Variants in CYTH4 observed in about 807,000 individuals in gnomAD.
CYTH4 encodes the protein cytohesin 4.
In CYTH4, 22 loss-of-function variants were observed where a neutral mutation model predicts 57.5. The ratio of observed to expected loss-of-function variants is 0.38; its 90% CI spans 0.27 to 0.55. The LOEUF is 0.55. Among genes scored for constraint, CYTH4 ranks in the 20% least tolerant of loss-of-function variants. The probability of loss-of-function intolerance (pLI) is 0.74; values close to 1 mark genes in which losing one functional copy is unlikely to be tolerated. For missense variants in CYTH4, 420 were observed against 535.6 expected (o/e 0.78, Z 2.13); for synonymous variants, 186 against 206.5 (o/e 0.90, Z 0.85).
chr22:37,291,674 G>A (rs1199863298), intron 1 of CYTH4, among the ~76,000 whole-genome samples: 1 of 152,146 alleles, frequency 6.6e-6, no homozygotes, highest in Non-Finnish European at 1.5e-5. Flanking sequence ...AGGTTGTGGA[G>A]GCCCCAGGCC....
At position 37,312,147 on chromosome 22, in the gene CYTH4, A is replaced by ATCGAGTCCAGTGCCGTGG. The variant is rs1929670444; in HGVS notation, c.1085_1086insTCGAGTCCAGTGCCGTGG (p.Glu362delinsAspArgValGlnCysArgGly). 6.2e-7 allele frequency: 1 copy of ATCGAGTCCAGTGCCGTGG among 1,614,090 alleles called. No homozygotes were observed. Among genetic ancestry groups the ATCGAGTCCAGTGCCGTGG allele is most frequent in the Non-Finnish European group, 8.5e-7 (1 of 1,180,020 alleles). On this transcript the variant is annotated protein_altering_variant, in exon 12 of 13. Coordinates refer to ENST00000248901, the MANE Select transcript of CYTH4 (RefSeq NM_013385.5). ...CGCATCTCAGCCACCAGTGCCGAGG[A>ATCGAGTCCAGTGCCGTGG]ACGTGACCAGTGGATCGAGTCCATC...
Position 37,300,151 on chromosome 22 carries a change from A to G in CYTH4, c.435-756A>G, listed in dbSNP as rs1388875273. Reference sequence around the variant, plus strand: ...AAGTCTTGATGCTGCTTGAAAACTCAGATTCCGAGAAGGAGCATCTGATCT... The same window carrying G: ...AAGTCTTGATGCTGCTTGAAAACTCGGATTCCGAGAAGGAGCATCTGATCT... On this transcript the variant is annotated intron_variant, in intron 6 of 12. Transcript: ENST00000248901. 3 of 717,632 alleles carry G rather than the reference A, an allele frequency of 4.2e-6. No individual in the cohort carries two copies. The Admixed American group carries it at 6.0e-5, about 14-fold the overall frequency. The allele number at this position is 717,632 out of a possible 1,614,324, so 44.5% of individuals were successfully genotyped here.
At chr22:37,310,659 A>T (rs1417759738) in intron 9 of CYTH4, among the ~76,000 whole-genome samples, 1 of 152,230 alleles carries the variant, frequency 6.6e-6, no homozygotes, top group Non-Finnish European at 1.5e-5. Flanking sequence ...GCATTGTGCC[A>T]GGCAGGGACC....
intron 8 of CYTH4, among the ~76,000 whole-genome samples, chr22:37,305,715 A>G (rs560599259): frequency 2.7e-4 from 41 of 152,032 alleles, no homozygotes; most frequent in African/African-American, 9.2e-4. Flanking sequence ...AGCACTTTGC[A>G]GAAGGATTCT....
At position 37,300,934 on chromosome 22, in the gene CYTH4, G is replaced by C. The variant is rs758613502; in HGVS notation, c.462G>C (p.Pro154=). ...LRQFLWSFRL[P]GEAQKIDRMM... is the part of the protein sequence containing the mutation. ...AGTTCCTGTGGAGCTTCCGGCTGCC[G>C]GGCGAGGCCCAGAAGATAGACCGGA... Residue 154 remains proline (P), a synonymous_variant, in exon 7 of 13, where the codon CCG becomes CCC. Coordinates refer to ENST00000248901, the MANE Select transcript of CYTH4 (RefSeq NM_013385.5). The C allele has an allele frequency of 1.9e-6, 3 of 1,614,196 alleles. No homozygotes were observed. The highest frequency in any genetic ancestry group is 1.7e-5 in the Admixed American group (1 of 60,026).
chr22:37,313,374 C>T, intron 12 of CYTH4, 65 bp from the exon 13 acceptor site: 1 of 1,520,750 alleles, frequency 6.6e-7, no homozygotes, highest in Non-Finnish European at 9.1e-7. Flanking sequence ...TGATACAAGC[C>T]CTGGGAGAGC....
intron 8 of CYTH4, 45 bp from the exon 9 acceptor site, chr22:37,309,167 G>T (rs767240059): frequency 6.3e-7 from 1 of 1,586,952 alleles, no homozygotes; most frequent in South Asian, 1.1e-5. Flanking sequence ...CCTTGGACTC[G>T]GGTGGACTCA....
intron 5 of CYTH4, 57 bp from the exon 6 acceptor site, chr22:37,299,169 G>A: frequency 7.2e-7 from 1 of 1,386,644 alleles, no homozygotes; most frequent in Non-Finnish European, 1.0e-6. Flanking sequence ...CCTCCAGGAG[G>A]TGGGTGCCAG....
chr22:37,311,139 C>T lies in CYTH4; in HGVS notation c.885+75C>T. The T allele has an allele frequency of 6.7e-7, 1 of 1,484,102 alleles. No homozygotes were observed. The highest frequency in any genetic ancestry group is 1.7e-5 in the Admixed American group (1 of 59,288). The allele number at this position is 1,484,102 out of a possible 1,614,324, so 91.9% of individuals were successfully genotyped here. ...AACCCACTTCCCAACTCCCACTGAG[C>T]AGTCGACTCACACAGCTTTGGATCC... On this transcript the variant is annotated intron_variant, in intron 10 of 12. Coordinates refer to ENST00000248901, the MANE Select transcript of CYTH4 (RefSeq NM_013385.5). The surrounding 1 kb of genome is among the most constrained non-coding windows in gnomAD (Gnocchi z 4.4).
In CYTH4 at chr22:37,311,642, C is replaced by A; in HGVS notation, c.957+115C>A. 1.9e-6 allele frequency: 2 copies of A among 1,071,032 alleles called. No individual in the cohort carries two copies. Among genetic ancestry groups the A allele is most frequent in the Non-Finnish European group, 2.8e-6 (2 of 711,306 alleles). The allele number at this position is 1,071,032 out of a possible 1,614,324, so 66.3% of individuals were successfully genotyped here. ...CCAGGAAGCCAGGCTGTGCCCCTTA[C>A]ACCTTCCCTGTGGCTCAGGGCTGCC... On this transcript the variant is annotated intron_variant, in intron 11 of 12. Transcript: ENST00000248901. The surrounding 1 kb of genome is among the most constrained non-coding windows in gnomAD (Gnocchi z 4.4).
At position 37,303,340 on chromosome 22, in the gene CYTH4, C is replaced by A; in HGVS notation, c.634C>A (p.Arg212Ser). The A allele has an allele frequency of 6.2e-7, 1 of 1,614,180 alleles. No homozygotes were observed. The highest frequency in any genetic ancestry group is 2.2e-5 in the East Asian group (1 of 44,882). The change falls in exon 8 of 13, where the codon CGC (arginine) becomes AGC (serine). Residue 212 changes from arginine (R) to serine (S), a missense_variant. Physicochemically the swap from Arg to Ser is moderately radical, Grantham distance 110. Transcript: ENST00000248901. Reference sequence around the variant, plus strand: ...CGTCCGGGACAGGCCGCCTTTTGAGCGCTTTGTGTCCATGAACCGCGGCAT... The same window carrying A: ...CGTCCGGGACAGGCCGCCTTTTGAGAGCTTTGTGTCCATGAACCGCGGCAT... ...PNVRDRPPFERFVSMNRGINN... is the reference protein window; with the variant it reads ...PNVRDRPPFESFVSMNRGINN...
At chr22:37,292,574 G>C in intron 1 of CYTH4, 47 bp from the exon 2 acceptor site, 1 of 1,597,450 alleles carries the variant, frequency 6.3e-7, no homozygotes, top group Non-Finnish European at 8.6e-7. Context: ...GGGCAAGTGG[G>C]TGTGGCTGGA....
At chr22:37,310,414 T>C (rs1395462414) in intron 9 of CYTH4, among the ~76,000 whole-genome samples, 2 of 151,924 alleles carry the variant, frequency 1.3e-5, no homozygotes, top group Non-Finnish European at 2.9e-5. Context: ...TCTGGGAGGG[T>C]TAAATGTGCG....
chr22:37,301,967 G>A (rs1929201225), intron 7 of CYTH4: 1 of 169,004 alleles, frequency 5.9e-6, no homozygotes, highest in South Asian at 2.0e-4. Context: ...CCACAGTGCT[G>A]AGATTACAGG....
intron 1 of CYTH4, among the ~76,000 whole-genome samples, chr22:37,289,346 C>T (rs1456616102): frequency 6.6e-6 from 1 of 152,198 alleles, no homozygotes; most frequent in Non-Finnish European, 1.5e-5. Context: ...AGTGGATGGC[C>T]AGGTGCCCTG....
chr22:37,299,162 C>T, intron 5 of CYTH4, 64 bp from the exon 6 acceptor site: 1 of 1,299,902 alleles, frequency 7.7e-7, no homozygotes, highest in Non-Finnish European at 1.1e-6. Flanking sequence ...TCAACCCCCT[C>T]CAGGAGGTGG....
At chr22:37,297,526 T>C (rs1929019472) in intron 4 of CYTH4, 38 bp from the exon 5 acceptor site, 3 of 1,576,260 alleles carry the variant, frequency 1.9e-6, no homozygotes, top group African/African-American at 2.7e-5. Context: ...CCTGCTTCCA[T>C]GCAGCAGCTG....
intron 2 of CYTH4, among the ~76,000 whole-genome samples, chr22:37,293,734 G>A (rs1928833638): frequency 6.6e-6 from 1 of 152,132 alleles, no homozygotes. Context: ...GCTCATGCTG[G>A]TGTCCTTCAG....
At chr22:37,286,440 C>T (rs1928564361) in intron 1 of CYTH4, among the ~76,000 whole-genome samples, 1 of 152,150 alleles carries the variant, frequency 6.6e-6, no homozygotes, top group Non-Finnish European at 1.5e-5. Flanking sequence ...GAGCCTGGAT[C>T]ACACAGGGCC....
Sources: allele counts gnomAD v4.1 joint callset (sites outside exome capture counted in the v4.1 genomes callset), GRCh38; gene constraint gnomAD v4.1.1; non-coding constraint Gnocchi (gnomAD v3.1); transcripts MANE v1.5; gene names NCBI Gene and HGNC (gene_info 2026-07-23, HGNC 2026-07-21).